Variants in DNMT3B observed in about 807,000 individuals in gnomAD.
DNMT3B encodes the protein DNA (cytosine-5)-methyltransferase 3B.
A neutral mutation model predicts 120.2 loss-of-function variants in DNMT3B; 37 were observed. That is an observed-to-expected ratio of 0.31 (90% CI 0.24 to 0.40). DNMT3B has a LOEUF of 0.40. DNMT3B is among the 10% of genes least tolerant of loss of function. The pLI is 1.00. For missense variants in DNMT3B, 878 were observed against 1,137.3 expected, an observed-to-expected ratio of 0.77 and a Z score of 3.28; for synonymous variants, 412 against 442.8, an observed-to-expected ratio of 0.93 and a Z score of 0.87.
chr20:32,786,427 C>G (rs1979287962), intron 4 of DNMT3B, 75 bp from the exon 5 acceptor site: 1 of 1,608,768 alleles, frequency 6.2e-7, no homozygotes, highest in Non-Finnish European at 8.5e-7. Flanking sequence ...ACCTGAAGGC[C>G]TAATCCTTCT....
At chr20:32,790,421 A>G (rs535751553) in intron 7 of DNMT3B, among the ~76,000 whole-genome samples, 9 of 152,280 alleles carry the variant, frequency 5.9e-5, no homozygotes, top group African/African-American at 2.2e-4. Flanking sequence ...ATGAGATGAC[A>G]ATATGGGACC....
Position 32,779,784 on chromosome 20 carries a change from TGGAGA to T in DNMT3B, c.-6-527_-6-523del, listed in dbSNP as rs888779953. 4 of 332,576 alleles carry T rather than the reference TGGAGA, an allele frequency of 1.2e-5. No individual in the cohort carries two copies. The African/African-American group carries it at 2.1e-4, about 18-fold the overall frequency. The allele number at this position is 332,576 out of a possible 1,614,324, so 20.6% of individuals were successfully genotyped here. On this transcript the variant is annotated intron_variant, in intron 1 of 22. Coordinates refer to ENST00000328111, the MANE Select transcript of DNMT3B (RefSeq NM_006892.4). ...GGGTGAGGCGGGGCTTGTGCTGCCA[TGGAGA>T]GGAGAGAAGCGGTTCTGTGGGGGAG...
chr20:32,763,788 A>G (rs968968690), intron 1 of DNMT3B, among the ~76,000 whole-genome samples: 25 of 152,300 alleles, frequency 1.6e-4, no homozygotes, highest in African/African-American at 6.0e-4. Flanking sequence ...CTGGTCTAGG[A>G]GAGAGGCTCG....
At chr20:32,782,837 T>A (rs1978790873) in intron 3 of DNMT3B, among the ~76,000 whole-genome samples, 1 of 152,196 alleles carries the variant, frequency 6.6e-6, no homozygotes, top group Non-Finnish European at 1.5e-5. Flanking sequence ...TATAGCAAAC[T>A]GTCTTTTTAT....
At position 32,806,346 on chromosome 20, in the gene DNMT3B, GGA is replaced by G. The variant is rs370213325; in HGVS notation, c.2420+23_2420+24del. The G allele has an allele frequency of 3.7e-6, 6 of 1,610,336 alleles. No individual in the cohort carries two copies. The African/African-American group carries it at 6.7e-5, about 18-fold the overall frequency. On this transcript the variant is annotated intron_variant, in intron 22 of 22. Transcript: ENST00000328111. Reference sequence around the variant, plus strand: ...TCGAAAGGTGAGCAAGGCTGCACTTGGAGAGGGAAACTGTGTAGATCAAAACA... The same window carrying G: ...TCGAAAGGTGAGCAAGGCTGCACTTGGAGGGAAACTGTGTAGATCAAAACA...
chr20:32,781,257 C>A, intron 2 of DNMT3B, 96 bp from the exon 3 acceptor site: 2 of 1,310,988 alleles, frequency 1.5e-6, no homozygotes, highest in Non-Finnish European at 2.2e-6. Context: ...GGGGAGATCC[C>A]AGGCCACGCC....
At chr20:32,783,574 C>T (rs756790575) in intron 3 of DNMT3B, among the ~76,000 whole-genome samples, 33 of 151,978 alleles carry the variant, frequency 2.2e-4, no homozygotes, top group Non-Finnish European at 3.7e-4. Flanking sequence ...TGGTGGTGGC[C>T]AACCTACTTA....
rs750057691 is a variant in DNMT3B, at chr20:32,762,611, G to C, written c.-95G>C. On this transcript the variant is annotated 5_prime_UTR_variant, in exon 1 of 23. Transcript: ENST00000328111. ...GGCGCCGGAGATTCGCGAGCCCAGC[G>C]CCCTGCACGGCCGCCAGCCGGCCTC... 6.8e-6 allele frequency: 2 copies of C among 295,318 alleles called. No homozygotes were observed. Among genetic ancestry groups the C allele is most frequent in the African/African-American group, 4.5e-5 (2 of 44,266 alleles). 18.3% of individuals were successfully genotyped at this position (295,318 alleles called of 1,614,324 possible).
In DNMT3B at chr20:32,807,740, CTT is replaced by C; in HGVS notation, c.2421-19_2421-18del. 19 of 1,613,754 alleles carry C rather than the reference CTT, an allele frequency of 1.2e-5. No individual in the cohort carries two copies. The highest frequency in any genetic ancestry group is 1.6e-5 in the Non-Finnish European group (19 of 1,180,016). The stretch of plus-strand genomic sequence containing the variant: ...CCTGGAGGCACTTCTGACTTGCTGT[CTT>C]TTCACTCCGGTACCCCCAGGATCTT... On this transcript the variant is annotated intron_variant, in intron 22 of 22. Transcript: ENST00000328111.
At chr20:32,798,785 T>A (rs770520030) in intron 15 of DNMT3B, 142 bp downstream of exon 15, 25 of 1,238,166 alleles carry the variant, frequency 2.0e-5, no homozygotes, top group Non-Finnish European at 2.7e-5. Context: ...ACCTGGCGAA[T>A]TGCCAGCTCC....
At chr20:32,795,203 CAT>C (rs1255222730) in intron 10 of DNMT3B, among the ~76,000 whole-genome samples, 3 of 152,186 alleles carry the variant, frequency 2.0e-5, no homozygotes, top group Admixed American at 1.3e-4. Flanking sequence ...ACCTTGTAAA[CAT>C]GTGTTAAGGA....
chr20:32,781,578 G>T (rs759943766), intron 3 of DNMT3B, among the ~76,000 whole-genome samples, 164 bp downstream of exon 3: 1 of 152,230 alleles, frequency 6.6e-6, no homozygotes, highest in African/African-American at 2.4e-5. Flanking sequence ...CAATCTGGAC[G>T]ATCAGTTACA....
In DNMT3B at chr20:32,806,398, C is replaced by T. The variant is rs566189542; in HGVS notation, c.2420+71C>T. ...ACAAATGGGCAGACATGGGCAGGTG[C>T]TTACCTTCATTCTTGATGGCCTCAC... On this transcript the variant is annotated intron_variant, in intron 22 of 22. Transcript: ENST00000328111. The T allele has an allele frequency of 3.6e-6, 5 of 1,401,142 alleles. No individual in the cohort carries two copies. The Admixed American group carries it at 5.1e-5, about 14-fold the overall frequency. The allele number at this position is 1,401,142 out of a possible 1,614,324, so 86.8% of individuals were successfully genotyped here.
chr20:32,780,991 A>G (rs1285406364), intron 2 of DNMT3B, among the ~76,000 whole-genome samples: 1 of 152,216 alleles, frequency 6.6e-6, no homozygotes, highest in East Asian at 1.9e-4. Flanking sequence ...CACAATAGCC[A>G]CACTCTACAT....
intron 20 of DNMT3B, among the ~76,000 whole-genome samples, chr20:32,803,715 T>A (rs1344830509): frequency 6.6e-6 from 1 of 152,106 alleles, no homozygotes; most frequent in Non-Finnish European, 1.5e-5. Flanking sequence ...ATGCAGTTAT[T>A]AGAGTACTCC....
chr20:32,805,516 T>G, intron 21 of DNMT3B, 109 bp downstream of exon 21: 11 of 1,246,220 alleles, frequency 8.8e-6, no homozygotes, highest in East Asian at 4.8e-5. Context: ...CCCACGTGAC[T>G]TCCTGGTGTT....
intron 21 of DNMT3B, 25 bp from the exon 22 acceptor site, chr20:32,806,184 T>C: frequency 2.5e-6 from 4 of 1,609,024 alleles, no homozygotes; most frequent in Non-Finnish European, 3.4e-6. Flanking sequence ...CTGTGCTCAC[T>C]CCATGATGTC....
intron 18 of DNMT3B, 62 bp from the exon 19 acceptor site, chr20:32,801,216 A>G (rs1052612522): frequency 6.2e-7 from 1 of 1,612,316 alleles, no homozygotes; most frequent in Non-Finnish European, 8.5e-7. Flanking sequence ...GTCTCAGGGA[A>G]TAAGGTGGGT....
intron 1 of DNMT3B, among the ~76,000 whole-genome samples, chr20:32,770,865 G>A (rs144677145): frequency 6.6e-6 from 1 of 152,254 alleles, no homozygotes; most frequent in Non-Finnish European, 1.5e-5. Flanking sequence ...GCCTGCCTCA[G>A]CCTCCCAAAG....
Sources: allele counts gnomAD v4.1 joint callset (sites outside exome capture counted in the v4.1 genomes callset), GRCh38; gene constraint gnomAD v4.1.1; transcripts MANE v1.5; gene names NCBI Gene and HGNC (gene_info 2026-07-23, HGNC 2026-07-21).